The following ADAMTS2 variants were observed in gnomAD, a reference collection of about 807,000 sequenced individuals.
The protein encoded by ADAMTS2 is A disintegrin and metalloproteinase with thrombospondin motifs 2.
Under a neutral mutation model 123.0 loss-of-function variants are expected in ADAMTS2, and 50 were observed. The ratio of observed to expected loss-of-function variants is 0.41; its 90% CI spans 0.32 to 0.51. The LOEUF (loss-of-function observed/expected upper bound fraction) is 0.51. ADAMTS2 is among the 20% of genes least tolerant of loss of function. The pLI, the probability that ADAMTS2 is intolerant of heterozygous loss-of-function variation, is 0.35. For synonymous variants in ADAMTS2, 678 were observed against 695.4 expected, an observed-to-expected ratio of 0.98 and a Z score of 0.39; for missense variants, 1,494 against 1,705.2, an observed-to-expected ratio of 0.88 and a Z score of 2.18.
intron 21 of ADAMTS2, chr5:179,121,398 C>T (rs1762758822): frequency 3.4e-6 from 1 of 296,112 alleles, no homozygotes; most frequent in East Asian, 5.3e-5. Context: ...GCCCCTCCTG[C>T]AACCACGACA....
rs140615143 is a variant in ADAMTS2, at chr5:179,299,257, C to T, written c.535-26193G>A. The stretch of plus-strand genomic sequence containing the variant: ...TTAAAAACACAAATTTGTCCAGGCG[C>T]GGTGGCTCACGCCTGTAATCCCAGC... On this transcript the variant is annotated intron_variant, in intron 2 of 21. Transcript: ENST00000251582. 7.9e-3 allele frequency among the ~76,000 whole-genome samples: 1,172 copies of T among 148,834 alleles called. 7 individuals are homozygous for T. The highest frequency in any genetic ancestry group is 0.012 in the African/African-American group (465 of 40,210).
intron 3 of ADAMTS2, among the ~76,000 whole-genome samples, chr5:179,269,993 C>A (rs1420028291): frequency 6.6e-6 from 1 of 152,148 alleles, no homozygotes; most frequent in East Asian, 1.9e-4. Context: ...AGAAAAGGAC[C>A]CTCCCCGCTC....
intron 5 of ADAMTS2, among the ~76,000 whole-genome samples, chr5:179,166,082 C>A (rs1763690297): frequency 6.6e-6 from 1 of 152,158 alleles, no homozygotes; most frequent in African/African-American, 2.4e-5. Flanking sequence ...TGCTCTGGGG[C>A]CCTGGACCAG....
At chr5:179,121,527 C>G in intron 21 of ADAMTS2, 134 bp downstream of exon 21, 1 of 632,528 alleles carries the variant, frequency 1.6e-6, no homozygotes, top group Non-Finnish European at 2.6e-6. Context: ...CGGGAGAAAA[C>G]GGTCACCCCA....
At position 179,207,232 on chromosome 5, in the gene ADAMTS2, A is replaced by G. The variant is rs570787335; in HGVS notation, c.891+281T>C. Among the ~76,000 whole-genome samples the G allele has an allele frequency of 1.7e-4, 26 of 152,336 alleles. No individual in the cohort carries two copies. The South Asian group carries it at 5.2e-3, about 30-fold the overall frequency. ...TGACGGGACATTGAATGACATTGTC[A>G]TTCAAACGACTGGAGTTTGCACAAA... is the stretch of plus-strand genomic sequence containing the variant. On this transcript the variant is annotated intron_variant, in intron 4 of 21. Coordinates refer to ENST00000251582, the MANE Select transcript of ADAMTS2 (RefSeq NM_014244.5).
At chr5:179,219,480 G>C (rs935615360) in intron 3 of ADAMTS2, among the ~76,000 whole-genome samples, 1 of 152,214 alleles carries the variant, frequency 6.6e-6, no homozygotes, top group Non-Finnish European at 1.5e-5. Flanking sequence ...ATCAGACCAG[G>C]CCACTCTCTT....
intron 2 of ADAMTS2, among the ~76,000 whole-genome samples, chr5:179,330,448 C>A (rs1033420642): frequency 1.3e-5 from 2 of 152,240 alleles, no homozygotes; most frequent in African/African-American, 4.8e-5. Context: ...GGGCCACCTG[C>A]AATGTCCAGC....
chr5:179,275,358 T>G, intron 2 of ADAMTS2, among the ~76,000 whole-genome samples: 1 of 151,120 alleles, frequency 6.6e-6, no homozygotes. Context: ...CCGGCTGAGA[T>G]GGGAGGGAGG....
chr5:179,228,561 C>T lies in ADAMTS2; in HGVS notation c.689-20846G>A, dbSNP rs149724315. 3.1e-3 allele frequency among the ~76,000 whole-genome samples: 477 copies of T among 152,342 alleles called. 2 individuals are homozygous for T. Among genetic ancestry groups the T allele is most frequent in the African/African-American group, 0.011 (447 of 41,586 alleles). ...CTGCAGCAAGGCCCAGCTCTTATGC[C>T]GGCCACTGCCTTGCCTCCTGCCTGA... is the stretch of plus-strand genomic sequence containing the variant. On this transcript the variant is annotated intron_variant, in intron 3 of 21. Transcript: ENST00000251582. This position sits in a 1 kb window ranked among gnomAD's most constrained non-coding sequence, Gnocchi z 5.2.
At chr5:179,121,308 G>A in intron 21 of ADAMTS2, 1 of 168,858 alleles carries the variant, frequency 5.9e-6, no homozygotes, top group South Asian at 2.0e-4. Context: ...TCGGGGTGGG[G>A]TCCCCGCACG....
intron 4 of ADAMTS2, 38 bp downstream of exon 4, chr5:179,207,475 T>TACCCCCCCCCCCCC: frequency 3.4e-6 from 2 of 588,616 alleles, no homozygotes; most frequent in Non-Finnish European, 6.4e-6. Flanking sequence ...TGGTTGACCC[T>TACCCCCCCCCCCCC]CCCCGCCCCA....
intron 2 of ADAMTS2, among the ~76,000 whole-genome samples, chr5:179,291,534 A>G (rs915543503): frequency 6.6e-5 from 10 of 152,022 alleles, no homozygotes; most frequent in African/African-American, 2.4e-4. Context: ...CTGCAGAGGG[A>G]TGGAATGCCT....
At chr5:179,289,550 G>A (rs755046431) in intron 2 of ADAMTS2, among the ~76,000 whole-genome samples, 5 of 152,222 alleles carry the variant, frequency 3.3e-5, no homozygotes, top group South Asian at 2.1e-4. Context: ...CTCACATCAC[G>A]TCACAGCAGC....
In ADAMTS2 at chr5:179,162,035, T is replaced by C. The variant is rs1345117597; in HGVS notation, c.976-3156A>G. On this transcript the variant is annotated intron_variant, in intron 5 of 21. Coordinates refer to ENST00000251582, the MANE Select transcript of ADAMTS2 (RefSeq NM_014244.5). The surrounding 1 kb of genome is among the most constrained non-coding windows in gnomAD (Gnocchi z 5.1). ...GCACAGCTCGGTAGCCTTGCTGGGC[T>C]CCAGGGAAAGGGGCCTTGCTTCCTC... Among the ~76,000 whole-genome samples the C allele has an allele frequency of 6.6e-6, 1 of 152,028 alleles. No homozygotes were observed. The highest frequency in any genetic ancestry group is 1.5e-5 in the Non-Finnish European group (1 of 67,988).
At chr5:179,165,999 C>T (rs913379200) in intron 5 of ADAMTS2, among the ~76,000 whole-genome samples, 25 of 152,186 alleles carry the variant, frequency 1.6e-4, no homozygotes, top group Admixed American at 7.2e-4. Context: ...TCATGGAGGG[C>T]TCTGCCACCC....
At position 179,114,319 on chromosome 5, in the gene ADAMTS2, G is replaced by T. The variant is rs899825126; in HGVS notation, c.3184C>A (p.His1062Asn). Residue 1062 changes from histidine to asparagine, a missense_variant, in exon 22 of 22, where the codon CAC becomes AAC. Physicochemically the swap from His to Asn is moderately conservative, Grantham distance 68. Coordinates refer to ENST00000251582, the MANE Select transcript of ADAMTS2 (RefSeq NM_014244.5). The stretch of plus-strand genomic sequence containing the variant: ...AATATTGACTTGTCGCCTTGGCAGT[G>T]GCCCTCTGAAAAAGAAAAGTGGGAC... ...SPIRKISSKG[H>N]CQGDKSIFCR... is the part of the protein sequence containing the mutation. 1.9e-6 allele frequency: 3 copies of T among 1,613,204 alleles called. No individual in the cohort carries two copies. The highest frequency in any genetic ancestry group is 2.5e-6 in the Non-Finnish European group (3 of 1,179,840).
At chr5:179,309,899 G>A (rs866521960) in intron 2 of ADAMTS2, among the ~76,000 whole-genome samples, 17 of 152,330 alleles carry the variant, frequency 1.1e-4, no homozygotes, top group South Asian at 6.2e-4. Flanking sequence ...TTGCCTCAGG[G>A]CAGGGCAGGA....
chr5:179,335,640 A>T (rs2127460752), intron 2 of ADAMTS2, among the ~76,000 whole-genome samples: 1 of 152,352 alleles, frequency 6.6e-6, no homozygotes, highest in East Asian at 1.9e-4. Flanking sequence ...TAACCCATAA[A>T]ATAGACAGAT....
intron 2 of ADAMTS2, 94 bp from the exon 3 acceptor site, chr5:179,273,158 C>G (rs1766594085): frequency 6.4e-7 from 1 of 1,567,202 alleles, no homozygotes; most frequent in Admixed American, 1.7e-5. Flanking sequence ...TACCTCCCAC[C>G]TGAAGACCCT....
Sources: allele counts gnomAD v4.1 joint callset (sites outside exome capture counted in the v4.1 genomes callset), GRCh38; gene constraint gnomAD v4.1.1; non-coding constraint Gnocchi (gnomAD v3.1); transcripts MANE v1.5; gene names NCBI Gene and HGNC (gene_info 2026-07-23, HGNC 2026-07-21).